RALYL: variants seen among roughly 807,000 people sequenced by gnomAD.
RALYL encodes RNA-binding Raly-like protein.
In RALYL, 29 loss-of-function variants were observed where a neutral mutation model predicts 35.1. The observed-to-expected ratio is 0.83, with a 90% CI of 0.61 to 1.13. RALYL has a LOEUF of 1.13. Ranked by LOEUF, RALYL falls within the 50% of genes most tolerant of loss-of-function variation. The probability of loss-of-function intolerance (pLI) is 0.00; values close to 1 mark genes in which losing one functional copy is unlikely to be tolerated. For synonymous variants in RALYL, 120 were observed against 127.6 expected, an observed-to-expected ratio of 0.94 and a Z score of 0.40; for missense variants, 359 against 360.4, an observed-to-expected ratio of 1.00 and a Z score of 0.03.
At chr8:84,595,069 C>T (rs995503297) in intron 2 of RALYL, among the ~76,000 whole-genome samples, 1 of 152,076 alleles carries the variant, frequency 6.6e-6, no homozygotes, top group Non-Finnish European at 1.5e-5. Flanking sequence ...GCAAGCTAGA[C>T]AACATGCAGA....
intron 2 of RALYL, among the ~76,000 whole-genome samples, chr8:84,558,770 G>A (rs917680690): frequency 1.3e-5 from 2 of 152,048 alleles, no homozygotes; most frequent in African/African-American, 4.8e-5. Flanking sequence ...AACATGTGCT[G>A]TAAATTTCAG....
intron 1 of RALYL, among the ~76,000 whole-genome samples, chr8:84,306,885 T>A (rs534096202): frequency 6.6e-6 from 1 of 152,300 alleles, no homozygotes; most frequent in East Asian, 1.9e-4. Flanking sequence ...GGCACAAGCA[T>A]TCTAAACTAC....
chr8:84,569,113 G>A (rs1265758873), intron 2 of RALYL, among the ~76,000 whole-genome samples: 7 of 151,756 alleles, frequency 4.6e-5, no homozygotes, highest in East Asian at 1.9e-4. Context: ...TAGACATGAA[G>A]TCCTTGCCCA....
chr8:84,250,862 A>G (rs1157798573), intron 1 of RALYL, among the ~76,000 whole-genome samples: 1 of 152,106 alleles, frequency 6.6e-6, no homozygotes, highest in Admixed American at 6.5e-5. Flanking sequence ...TCACTCCCTC[A>G]ACCTTTGGCT....
intron 1 of RALYL, among the ~76,000 whole-genome samples, chr8:84,512,698 A>G (rs2057724034): frequency 6.6e-6 from 1 of 152,026 alleles, no homozygotes; most frequent in Non-Finnish European, 1.5e-5. Flanking sequence ...ATTTTGGTTT[A>G]TTTTTGTGTA....
At chr8:84,205,208 A>G (rs1817782004) in intron 1 of RALYL, among the ~76,000 whole-genome samples, 1 of 152,250 alleles carries the variant, frequency 6.6e-6, no homozygotes, top group Non-Finnish European at 1.5e-5. Context: ...CCATGGCCAC[A>G]GGTACTGTTC....
rs186077645 is a variant in RALYL at position 84,471,631 on chromosome 8, A to T, written c.-23-57668A>T. On this transcript the variant is annotated intron_variant, in intron 1 of 8. Coordinates refer to ENST00000521268, the MANE Select transcript of RALYL (RefSeq NM_173848.7). ...CACACAGGACACACAGAATTGTATA[A>T]CAGTCAACATTGTATGAAAATAAAC... Among the ~76,000 whole-genome samples the T allele has an allele frequency of 2.6e-5, 4 of 152,288 alleles. No individual in the cohort carries two copies. In the East Asian group the frequency reaches 7.7e-4, roughly 29 times the overall value.
At chr8:84,685,821 G>T (rs1237604921) in intron 2 of RALYL, among the ~76,000 whole-genome samples, 1 of 152,096 alleles carries the variant, frequency 6.6e-6, no homozygotes, top group Admixed American at 6.6e-5. Context: ...CAATAATGTG[G>T]GTATTTTTAC....
At chr8:84,499,285 T>C (rs2134185675) in intron 1 of RALYL, among the ~76,000 whole-genome samples, 1 of 152,252 alleles carries the variant, frequency 6.6e-6, no homozygotes, top group East Asian at 1.9e-4. Flanking sequence ...TACAATTATG[T>C]ATTTTTTAAA....
intron 2 of RALYL, among the ~76,000 whole-genome samples, chr8:84,637,262 C>T (rs531653683): frequency 6.6e-6 from 1 of 151,950 alleles, no homozygotes; most frequent in East Asian, 1.9e-4. Flanking sequence ...CAGTTTTGCC[C>T]TTTCAAACCT....
rs920494268 is a variant in RALYL, at chr8:84,520,750, C to T, written c.-23-8549C>T. Among the ~76,000 whole-genome samples the T allele has an allele frequency of 3.9e-5, 6 of 152,096 alleles. No individual in the cohort carries two copies. The South Asian group carries it at 6.2e-4, about 16-fold the overall frequency. On this transcript the variant is annotated intron_variant, in intron 1 of 8. Transcript: ENST00000521268. The stretch of plus-strand genomic sequence containing the variant: ...AGGGATCTATGTTGCGTGCTCCTTA[C>T]GAGAATCTAACTAATGCTTGATGAT...
chr8:84,791,117 A>G (rs955735753), intron 3 of RALYL, among the ~76,000 whole-genome samples: 3 of 152,218 alleles, frequency 2.0e-5, no homozygotes, highest in Non-Finnish European at 4.4e-5. Flanking sequence ...TGTTATAGAA[A>G]AAAATTAAGC....
intron 1 of RALYL, among the ~76,000 whole-genome samples, chr8:84,253,339 G>A (rs1830597872): frequency 2.0e-5 from 3 of 149,376 alleles, no homozygotes; most frequent in South Asian, 4.3e-4. Flanking sequence ...ATAGGTGTGT[G>A]CCACCACGCC....
chr8:84,466,392 T>C lies in RALYL; in HGVS notation c.-23-62907T>C, dbSNP rs1396506848. Among the ~76,000 whole-genome samples the C allele has an allele frequency of 6.7e-3, 983 of 147,576 alleles. 10 individuals carry two copies. The highest frequency in any genetic ancestry group is 0.023 in the African/African-American group (922 of 39,736). ...TGTCAAAGGCTTTTTCTGCATCTAT[T>C]GAGATAATCATGTGGTTTTTGTCTT... On this transcript the variant is annotated intron_variant, in intron 1 of 8. Transcript: ENST00000521268.
At chr8:84,407,437 C>T (rs1025582283) in intron 1 of RALYL, among the ~76,000 whole-genome samples, 2 of 152,016 alleles carry the variant, frequency 1.3e-5, no homozygotes, top group Non-Finnish European at 2.9e-5. Context: ...GAAGGAATCC[C>T]CATGTGTCTA....
At chr8:84,210,229 T>G (rs1819138928) in intron 1 of RALYL, among the ~76,000 whole-genome samples, 1 of 151,892 alleles carries the variant, frequency 6.6e-6, no homozygotes, top group Non-Finnish European at 1.5e-5. Flanking sequence ...TGTGTATGTG[T>G]ATATATATAT....
chr8:84,609,667 C>T (rs978670320), intron 2 of RALYL, among the ~76,000 whole-genome samples: 3 of 152,092 alleles, frequency 2.0e-5, no homozygotes, highest in Non-Finnish European at 4.4e-5. Flanking sequence ...CCTATATAAT[C>T]CTGAATGCTC....
chr8:84,592,461 G>A (rs181027567), intron 2 of RALYL, among the ~76,000 whole-genome samples: 95 of 152,114 alleles, frequency 6.2e-4, no homozygotes, highest in African/African-American at 2.2e-3. Context: ...GTCTATATAA[G>A]ATATCCAAAA....
intron 3 of RALYL, among the ~76,000 whole-genome samples, chr8:84,794,005 A>G (rs139821970): frequency 1.3e-5 from 2 of 152,322 alleles, no homozygotes; most frequent in East Asian, 3.9e-4. Context: ...ATGTTTTATT[A>G]AGAGAAAGGA....
Sources: gnomAD v4.1 joint callset for allele counts (sites outside exome capture counted in the v4.1 genomes callset) on GRCh38, gnomAD v4.1.1 for gene constraint, MANE v1.5 for transcripts, NCBI Gene and HGNC (gene_info 2026-07-23, HGNC 2026-07-21) for gene names.